Variants in IFT122 observed in about 807,000 individuals in gnomAD.
IFT122 encodes intraflagellar transport 122.
IFT122 carries 118 observed loss-of-function variants against 161.6 expected under a neutral mutation model. That is an observed-to-expected ratio of 0.73 (90% CI 0.63 to 0.85). IFT122 has a LOEUF of 0.85. Ranked by LOEUF, IFT122 falls within the 40% of genes least tolerant of loss-of-function variation. IFT122 has a pLI of 0.00. For missense variants in IFT122, 1,381 were observed against 1,579.6 expected, an observed-to-expected ratio of 0.87 and a Z score of 2.13; for synonymous variants, 550 against 602.4, an observed-to-expected ratio of 0.91 and a Z score of 1.27.
chr3:129,454,513 T>TTG (rs61557048), intron 3 of IFT122, among the ~76,000 whole-genome samples: 19,976 of 131,012 alleles, frequency 0.15, 1,423 homozygotes, highest in Admixed American at 0.19. Flanking sequence ...GTAGTCATAT[T>TTG]TGTGTGTGTG....
chr3:129,492,334 C>T (rs569532956), intron 17 of IFT122, 140 bp downstream of exon 17: 73 of 773,126 alleles, frequency 9.4e-5, no homozygotes, highest in African/African-American at 8.4e-4. Context: ...CACAGCCTTG[C>T]TCCGGGGGCA....
chr3:129,514,975 A>T, intron 25 of IFT122: 1 of 364,084 alleles, frequency 2.7e-6, no homozygotes, highest in Non-Finnish European at 5.2e-6. Flanking sequence ...ACATTCCTTC[A>T]ACCCAGCCAG....
intron 21 of IFT122, among the ~76,000 whole-genome samples, chr3:129,505,183 A>G (rs1197566820): frequency 6.6e-6 from 1 of 152,248 alleles, no homozygotes. Context: ...TAAATGTGCC[A>G]TGCCAAGTCA....
chr3:129,444,159 G>T (rs1161609499), intron 1 of IFT122, among the ~76,000 whole-genome samples: 2 of 152,224 alleles, frequency 1.3e-5, no homozygotes, highest in Non-Finnish European at 2.9e-5. Flanking sequence ...GAGAATGAAA[G>T]CTCAGATAGG....
intron 8 of IFT122, among the ~76,000 whole-genome samples, chr3:129,469,060 G>A (rs1370635365): frequency 1.3e-5 from 2 of 152,192 alleles, no homozygotes; most frequent in Non-Finnish European, 2.9e-5. Context: ...TGAAATGAGA[G>A]GTTTATCTTC....
intron 17 of IFT122, among the ~76,000 whole-genome samples, chr3:129,492,901 A>G (rs2080321691): frequency 6.7e-6 from 1 of 148,676 alleles, no homozygotes; most frequent in Non-Finnish European, 1.5e-5. Flanking sequence ...TTACTGCAGC[A>G]TAGACCTCCC....
At chr3:129,440,403 A>T in intron 1 of IFT122, 32 bp downstream of exon 1, 1 of 1,549,128 alleles carries the variant, frequency 6.5e-7, no homozygotes, top group East Asian at 2.4e-5. Flanking sequence ...GAAGAGCAGG[A>T]GGTCGAGTCC....
chr3:129,519,134 C>A lies in IFT122; in HGVS notation c.3419C>A (p.Thr1140Asn). Residue 1140 changes from threonine (T) to asparagine (N), a missense_variant, in exon 28 of 30, where the codon ACC becomes AAC. Physicochemically the swap from Thr to Asn is moderately conservative, Grantham distance 65 (BLOSUM62 0). Transcript: ENST00000348417. ...NSSQILRLVE[T>N]KDSIGDEDPF... ...TCCCAGATTCTGCGGCTAGTGGAGA[C>A]CAAGGACTCCATCGGAGATGAGGAC... 2 of 1,614,100 alleles carry A rather than the reference C, an allele frequency of 1.2e-6. No individual in the cohort carries two copies. The highest frequency in any genetic ancestry group is 1.7e-6 in the Non-Finnish European group (2 of 1,179,990).
At chr3:129,462,630 A>C (rs1286201667) in intron 5 of IFT122, among the ~76,000 whole-genome samples, 1 of 152,238 alleles carries the variant, frequency 6.6e-6, no homozygotes, top group African/African-American at 2.4e-5. Context: ...ACACGTCAAA[A>C]TGTTTGGAGG....
intron 14 of IFT122, 27 bp from the exon 15 acceptor site, chr3:129,483,458 A>C: frequency 3.7e-6 from 6 of 1,608,838 alleles, no homozygotes; most frequent in Non-Finnish European, 3.4e-6. Flanking sequence ...TGGTTCTCAC[A>C]GGATCCCCAC....
At chr3:129,519,862 G>A (rs1057105673) in intron 29 of IFT122, 130 bp downstream of exon 29, 4 of 1,093,632 alleles carry the variant, frequency 3.7e-6, no homozygotes, top group East Asian at 4.8e-5. Context: ...ACAGAGGCTT[G>A]TCTGTCCTCT....
chr3:129,510,236 T>A (rs2082669961), intron 23 of IFT122, among the ~76,000 whole-genome samples: 1 of 152,214 alleles, frequency 6.6e-6, no homozygotes, highest in African/African-American at 2.4e-5. Context: ...TTCCCGCCGT[T>A]CTTTGACCTC....
rs775609341 is a variant in IFT122 at position 129,463,567 on chromosome 3, G to A, written c.357G>A (p.Trp119Ter). 1 of 1,613,616 alleles carries A rather than the reference G, an allele frequency of 6.2e-7. No homozygotes were observed. The highest frequency in any genetic ancestry group is 8.5e-7 in the Non-Finnish European group (1 of 1,179,702). The change falls in exon 6 of 30, where the codon TGG becomes TGA. Residue 119 changes from tryptophan (W) to a stop codon, truncating the protein, a stop_gained. Transcript: ENST00000348417. LOFTEE classifies it high-confidence loss of function. ...TATTATTGTGCATTGAAGGGTTGTG[G>A]TCTCCTGAACAGAAGTCTGTCTCCA... ...ASCSSSDFGL[W>*]SPEQKSVSKH...
chr3:129,517,060 CAGACTGCCCCTGCACACACACACAG>C (rs2083953711), intron 26 of IFT122, among the ~76,000 whole-genome samples: 2 of 116,174 alleles, frequency 1.7e-5, no homozygotes, highest in South Asian at 3.1e-4. Flanking sequence ...CACACACACA[CAGACTGCCCCTGCACACACACACAG>C]AGACTGCCCC....
intron 10 of IFT122, 24 bp from the exon 11 acceptor site, chr3:129,476,639 A>G: frequency 6.2e-7 from 1 of 1,614,190 alleles, no homozygotes; most frequent in Non-Finnish European, 8.5e-7. Flanking sequence ...AGAGCTGGGA[A>G]TTGACAGTTC....
At chr3:129,478,975 C>T (rs1012739417) in intron 12 of IFT122, among the ~76,000 whole-genome samples, 1 of 151,778 alleles carries the variant, frequency 6.6e-6, no homozygotes, top group African/African-American at 2.4e-5. Flanking sequence ...AAGTCAATGC[C>T]AAGAGAAGTT....
chr3:129,450,217 G>A (rs907613731), intron 2 of IFT122, among the ~76,000 whole-genome samples: 8 of 152,094 alleles, frequency 5.3e-5, no homozygotes, highest in Admixed American at 3.9e-4. Flanking sequence ...CAATGCCTTT[G>A]AAACTGGACT....
intron 5 of IFT122, chr3:129,463,093 A>G (rs1428672489): frequency 6.4e-6 from 1 of 155,246 alleles, no homozygotes; most frequent in East Asian, 1.9e-4. Context: ...AGTAAGTTAC[A>G]AAGATGGTAC....
rs191954750 is a variant in IFT122, at chr3:129,500,144, C to T, written c.2375+76C>T. On this transcript the variant is annotated intron_variant, in intron 19 of 29. Transcript: ENST00000348417. ...GTCACCTCTTGACTGACAAGGGAAC[C>T]AATAGTGCTTTTCTAATTATCTAAA... The T allele has an allele frequency of 2.5e-4, 384 of 1,505,896 alleles. 3 individuals are homozygous for T. The Admixed American group carries it at 6.4e-3, about 25-fold the overall frequency. 93.3% of individuals were successfully genotyped at this position (1,505,896 alleles called of 1,614,324 possible).
Sources: gnomAD v4.1 joint callset for allele counts (sites outside exome capture counted in the v4.1 genomes callset) on GRCh38, gnomAD v4.1.1 for gene constraint, MANE v1.5 for transcripts, NCBI Gene and HGNC (gene_info 2026-07-23, HGNC 2026-07-21) for gene names.